The following XXYLT1 variants were observed in gnomAD, a reference collection of about 807,000 sequenced individuals.
XXYLT1 encodes UDP-xylose:alpha-xyloside alpha-1,3-xylosyltransferase.
Under a neutral mutation model 28.9 loss-of-function variants are expected in XXYLT1, and 20 were observed. The ratio of observed to expected loss-of-function variants is 0.69; its 90% CI spans 0.49 to 1.00. The LOEUF is 1.00. Ranked by LOEUF, XXYLT1 falls within the 50% of genes least tolerant of loss-of-function variation. The pLI is 0.00. For missense variants in XXYLT1, 542 were observed against 560.1 expected, an observed-to-expected ratio of 0.97 and a Z score of 0.33; for synonymous variants, 257 against 253.8, an observed-to-expected ratio of 1.01 and a Z score of -0.12.
rs1250224865 is a variant in XXYLT1, at chr3:195,109,849, T to TGA, written c.786-39739_786-39738insTC. On this transcript the variant is annotated intron_variant, in intron 3 of 3. Transcript: ENST00000310380. The stretch of plus-strand genomic sequence containing the variant: ...TATGAGTGTGCGTGTGTGTGGTGTA[T>TGA]GTGTGCCTGTGTGTGTGGTGTATGT... Among the ~76,000 whole-genome samples, 19 of 41,712 alleles carry TGA rather than the reference T, an allele frequency of 4.6e-4. 2 individuals carry two copies. The highest frequency in any genetic ancestry group is 1.5e-3 in the African/African-American group (17 of 11,662). 27.4% of individuals were successfully genotyped at this position (41,712 alleles called of 152,430 possible). A position where few individuals can be genotyped will look rare whatever the true frequency, so the allele number is the denominator to read the frequency against.
chr3:195,069,412 A>C lies in XXYLT1; in HGVS notation c.*303T>G. ...TTCCATTCCTCAGAGGCAGACAGCA[A>C]GGGGGACCCTTTCTCCCCTTCCTTC... On this transcript the variant is annotated 3_prime_UTR_variant, in exon 4 of 4. Coordinates refer to ENST00000310380, the MANE Select transcript of XXYLT1 (RefSeq NM_152531.5). 2.7e-6 allele frequency: 1 copy of C among 373,814 alleles called. No homozygotes were observed. The highest frequency in any genetic ancestry group is 4.8e-6 in the Non-Finnish European group (1 of 207,124). The allele number at this position is 373,814 out of a possible 1,614,324, so 23.2% of individuals were successfully genotyped here. A position where few individuals can be genotyped will look rare whatever the true frequency, so the allele number is the denominator to read the frequency against.
chr3:195,112,565 C>T (rs982479416), intron 3 of XXYLT1, among the ~76,000 whole-genome samples: 1 of 146,740 alleles, frequency 6.8e-6, no homozygotes, highest in African/African-American at 2.6e-5. Flanking sequence ...CTAGATGAAG[C>T]AGTGCACACA....
At chr3:195,184,976 G>A (rs1215959880) in intron 2 of XXYLT1, among the ~76,000 whole-genome samples, 3 of 152,134 alleles carry the variant, frequency 2.0e-5, no homozygotes, top group African/African-American at 7.2e-5. Context: ...CAAATCAGAA[G>A]GTAGAAGTCA....
rs905769313 is a variant in XXYLT1, at chr3:195,180,216, C to T, written c.653-23635G>A. 6 of 720,212 alleles carry T rather than the reference C, an allele frequency of 8.3e-6. No individual in the cohort carries two copies. The highest frequency in any genetic ancestry group is 1.9e-5 in the African/African-American group (1 of 51,866). 44.6% of individuals were successfully genotyped at this position (720,212 alleles called of 1,614,324 possible). A position where few individuals can be genotyped will look rare whatever the true frequency, so the allele number is the denominator to read the frequency against. The stretch of plus-strand genomic sequence containing the variant: ...CTGGCTTATGCACAGTCATTTCTAA[C>T]GCCAGATCCCCGTCTCTGCACTGAC... On this transcript the variant is annotated intron_variant, in intron 2 of 3. Transcript: ENST00000310380. This position sits in a 1 kb window ranked among gnomAD's most constrained non-coding sequence, Gnocchi z 5.8.
At chr3:195,162,859 G>A (rs1720939421) in intron 2 of XXYLT1, among the ~76,000 whole-genome samples, 1 of 152,186 alleles carries the variant, frequency 6.6e-6, no homozygotes, top group African/African-American at 2.4e-5. Flanking sequence ...CTTACGCACG[G>A]ATTGATGTAG....
intron 1 of XXYLT1, among the ~76,000 whole-genome samples, chr3:195,228,075 T>A (rs1269799367): frequency 6.6e-6 from 1 of 152,122 alleles, no homozygotes; most frequent in Non-Finnish European, 1.5e-5. Flanking sequence ...TCCACCTTCT[T>A]CCTCAGTGCT....
At position 195,195,657 on chromosome 3, in the gene XXYLT1, C is replaced by T. The variant is rs548324528; in HGVS notation, c.652+31052G>A. ...CCCTGGTCCCTTCACTCTGGCAGTT[C>T]CCCTACTGCCCAGCCCGGGAACTCC... is the stretch of plus-strand genomic sequence containing the variant. On this transcript the variant is annotated intron_variant, in intron 2 of 3. Transcript: ENST00000310380. This position sits in a 1 kb window ranked among gnomAD's most constrained non-coding sequence, Gnocchi z 4.4. 6.6e-6 allele frequency among the ~76,000 whole-genome samples: 1 copy of T among 152,174 alleles called. No individual in the cohort carries two copies. The highest frequency in any genetic ancestry group is 2.4e-5 in the African/African-American group (1 of 41,428).
At chr3:195,239,705 T>A (rs957068739) in intron 1 of XXYLT1, among the ~76,000 whole-genome samples, 9 of 152,230 alleles carry the variant, frequency 5.9e-5, no homozygotes, top group Non-Finnish European at 8.8e-5. Context: ...ACCCTTCGTG[T>A]GCATCAACAG....
At position 195,233,734 on chromosome 3, in the gene XXYLT1, A is replaced by T. The variant is rs547964649; in HGVS notation, c.505-6878T>A. Among the ~76,000 whole-genome samples the T allele has an allele frequency of 2.4e-3, 366 of 152,192 alleles. 1 individual carries two copies. Among genetic ancestry groups the T allele is most frequent in the Non-Finnish European group, 4.4e-3 (302 of 68,016 alleles). ...CTGTCTTGAAAAGTTATTATTTTTG[A>T]TTGGTTTATCTTTTCATCTTTGTAC... On this transcript the variant is annotated intron_variant, in intron 1 of 3. Transcript: ENST00000310380.
chr3:195,176,201 T>C lies in XXYLT1; in HGVS notation c.653-19620A>G, dbSNP rs1577110704. 6.6e-6 allele frequency among the ~76,000 whole-genome samples: 1 copy of C among 152,124 alleles called. No individual in the cohort carries two copies. Among genetic ancestry groups the C allele is most frequent in the South Asian group, 2.1e-4 (1 of 4,832 alleles). ...CCTCCCAAGTGGCTGGGACTACAGGTGTGTACCACCATGCCCCGCTAATTT... is the reference window on the plus strand; with the variant it reads ...CCTCCCAAGTGGCTGGGACTACAGGCGTGTACCACCATGCCCCGCTAATTT... On this transcript the variant is annotated intron_variant, in intron 2 of 3. Coordinates refer to ENST00000310380, the MANE Select transcript of XXYLT1 (RefSeq NM_152531.5). This position sits in a 1 kb window ranked among gnomAD's most constrained non-coding sequence, Gnocchi z 4.9.
intron 2 of XXYLT1, among the ~76,000 whole-genome samples, chr3:195,191,070 A>T (rs1215230595): frequency 2.6e-5 from 4 of 152,240 alleles, no homozygotes; most frequent in African/African-American, 2.4e-5. Context: ...AATATGAATG[A>T]TCTCAACACT....
intron 2 of XXYLT1, among the ~76,000 whole-genome samples, chr3:195,185,721 G>A (rs1417138802): frequency 6.9e-6 from 1 of 144,386 alleles, no homozygotes; most frequent in East Asian, 1.9e-4. Context: ...ACACAATGGG[G>A]ACGGCATCTT....
In XXYLT1 at chr3:195,168,005, C is replaced by T. The variant is rs373506817; in HGVS notation, c.653-11424G>A. 1.3e-4 allele frequency among the ~76,000 whole-genome samples: 20 copies of T among 152,302 alleles called. No individual in the cohort carries two copies. Among genetic ancestry groups the T allele is most frequent in the African/African-American group, 4.6e-4 (19 of 41,576 alleles). On this transcript the variant is annotated intron_variant, in intron 2 of 3. Transcript: ENST00000310380. The surrounding 1 kb of genome is among the most constrained non-coding windows in gnomAD (Gnocchi z 4.3). ...GGCAGCACCAGAACACCTTTTCTTT[C>T]CTCTATTTGTTTTTTTAAACAACTG...
At chr3:195,122,041 G>A (rs964866098) in intron 3 of XXYLT1, 2 of 703,028 alleles carry the variant, frequency 2.8e-6, no homozygotes, top group Non-Finnish European at 2.6e-6. Flanking sequence ...TAGAGGCTGG[G>A]AAGTCCAAGA....
At chr3:195,252,914 G>A (rs1021852544) in intron 1 of XXYLT1, among the ~76,000 whole-genome samples, 40 of 152,184 alleles carry the variant, frequency 2.6e-4, no homozygotes, top group South Asian at 2.1e-4. Flanking sequence ...ATACGCCACC[G>A]CAGGTGGGTC....
At chr3:195,175,970 T>A (rs571568288) in intron 2 of XXYLT1, 1 of 1,281,768 alleles carries the variant, frequency 7.8e-7, no homozygotes, top group African/African-American at 1.5e-5. Context: ...AGTCTAGCCT[T>A]ACTAACACAG....
At chr3:195,241,810 AACAC>A (rs202193296) in intron 1 of XXYLT1, among the ~76,000 whole-genome samples, 1 of 151,812 alleles carries the variant, frequency 6.6e-6, no homozygotes, top group South Asian at 2.1e-4. Flanking sequence ...ACATGCGCAC[AACAC>A]ACACACACAT....
chr3:195,084,972 A>C (rs1045635147), intron 3 of XXYLT1, among the ~76,000 whole-genome samples: 8 of 152,222 alleles, frequency 5.3e-5, no homozygotes, highest in African/African-American at 1.9e-4. Context: ...AGGGAGGCCT[A>C]GCAAGGCAGC....
At chr3:195,220,089 G>A (rs372533508) in intron 2 of XXYLT1, among the ~76,000 whole-genome samples, 1 of 152,128 alleles carries the variant, frequency 6.6e-6, no homozygotes, top group East Asian at 1.9e-4. Flanking sequence ...TGGGAGCTGG[G>A]GGGAGGGGAG....
Sources: gnomAD v4.1 joint callset for allele counts (sites outside exome capture counted in the v4.1 genomes callset) on GRCh38, gnomAD v4.1.1 for gene constraint, Gnocchi (gnomAD v3.1) non-coding constraint, MANE v1.5 for transcripts, NCBI Gene and HGNC (gene_info 2026-07-23, HGNC 2026-07-21) for gene names.